SLC16A7: variants seen among roughly 807,000 people sequenced by gnomAD.
SLC16A7 encodes the protein solute carrier family 16 member 7.
A neutral mutation model predicts 34.9 loss-of-function variants in SLC16A7; 33 were observed. That is an observed-to-expected ratio of 0.94 (90% CI 0.72 to 1.26). The LOEUF (loss-of-function observed/expected upper bound fraction) is 1.26. Ranked by LOEUF, SLC16A7 falls within the 50% of genes most tolerant of loss-of-function variation. SLC16A7 has a pLI of 0.00. For missense variants in SLC16A7, 573 were observed against 578.1 expected, an observed-to-expected ratio of 0.99 and a Z score of 0.09; for synonymous variants, 201 against 206.6, an observed-to-expected ratio of 0.97 and a Z score of 0.23.
At chr12:59,748,085 C>A (rs764485603) in intron 3 of SLC16A7, among the ~76,000 whole-genome samples, 20 of 152,040 alleles carry the variant, frequency 1.3e-4, no homozygotes, top group Admixed American at 2.0e-4. Context: ...TGCCTGTAAT[C>A]CCAGCTACTC....
intron 1 of SLC16A7, among the ~76,000 whole-genome samples, chr12:59,636,782 A>C (rs964281463): frequency 6.6e-6 from 1 of 152,172 alleles, no homozygotes; most frequent in African/African-American, 2.4e-5. Context: ...AGAAATTCCA[A>C]TGTTATACTA....
intron 3 of SLC16A7, among the ~76,000 whole-genome samples, chr12:59,748,138 T>A (rs1267305663): frequency 6.6e-6 from 1 of 152,068 alleles, no homozygotes; most frequent in Non-Finnish European, 1.5e-5. Flanking sequence ...ATCGAGGGAT[T>A]GGTAGAAGTG....
intron 2 of SLC16A7, among the ~76,000 whole-genome samples, chr12:59,663,969 T>G (rs1288787881): frequency 6.6e-6 from 1 of 152,060 alleles, no homozygotes; most frequent in Admixed American, 6.6e-5. Context: ...TAATTGTATC[T>G]TTCACATAGG....
In SLC16A7 at chr12:59,665,440, GA is replaced by G. The variant is rs552928977; in HGVS notation, c.-31+10198del. Among the ~76,000 whole-genome samples, 30 of 150,596 alleles carry G rather than the reference GA, an allele frequency of 2.0e-4. No homozygotes were observed. The East Asian group carries it at 4.1e-3, about 20-fold the overall frequency. ...TGTAACTATGTATGTGTACTTTGTT[GA>G]AAAAAAATAGTAAAAATTAATAGAT... On this transcript the variant is annotated intron_variant, in intron 2 of 5. Transcript: ENST00000547379.
intron 1 of SLC16A7, among the ~76,000 whole-genome samples, chr12:59,634,823 A>G (rs911180418): frequency 6.6e-6 from 1 of 152,072 alleles, no homozygotes; most frequent in Admixed American, 6.6e-5. Context: ...AGTGGGTGAT[A>G]GGAAAGAGGG....
At chr12:59,768,580 T>A (rs748661839) in intron 3 of SLC16A7, among the ~76,000 whole-genome samples, 1 of 152,162 alleles carries the variant, frequency 6.6e-6, no homozygotes, top group Non-Finnish European at 1.5e-5. Flanking sequence ...TTGAGAGAAT[T>A]GACTCCAGTT....
chr12:59,627,272 A>T (rs908594385), intron 1 of SLC16A7, among the ~76,000 whole-genome samples: 3 of 151,784 alleles, frequency 2.0e-5, no homozygotes, highest in Non-Finnish European at 4.4e-5. Flanking sequence ...AAATCCATTA[A>T]TTTTTTTGCA....
In SLC16A7 at chr12:59,789,366, TTTTA is replaced by T. The variant is rs1266617315; in HGVS notation, c.*9691_*9694del. 6.6e-6 allele frequency: 1 copy of T among 152,168 alleles called. No homozygotes were observed. The highest frequency in any genetic ancestry group is 1.5e-5 in the Non-Finnish European group (1 of 68,006). 9.4% of individuals were successfully genotyped at this position (152,168 alleles called of 1,614,324 possible). On this transcript the variant is annotated 3_prime_UTR_variant, in exon 6 of 6. Transcript: ENST00000547379. ...AAATTGAAACTCTGTTTTGAATCCT[TTTTA>T]TTTTGTCAAACATTCTATGCAAATA...
intron 2 of SLC16A7, among the ~76,000 whole-genome samples, chr12:59,674,958 G>A (rs370532649): frequency 6.6e-6 from 1 of 152,154 alleles, no homozygotes; most frequent in South Asian, 2.1e-4. Flanking sequence ...TCAGTTACAG[G>A]TGTCTCATAA....
chr12:59,656,348 A>G (rs1868533471), intron 2 of SLC16A7, among the ~76,000 whole-genome samples: 1 of 152,004 alleles, frequency 6.6e-6, no homozygotes, highest in South Asian at 2.1e-4. Context: ...ATCCTTGATT[A>G]TGTGCATGGG....
rs148114133 is a variant in SLC16A7, at chr12:59,771,258, G to A, written c.257G>A (p.Arg86Gln). 2.7e-4 allele frequency: 436 copies of A among 1,613,166 alleles called. No homozygotes were observed. Among genetic ancestry groups the A allele is most frequent in the Non-Finnish European group, 3.5e-4 (414 of 1,179,532 alleles). ...GTTTTGGTGAATAAATACGGCAGCC[G>A]GCCGGTGGTGATAGCAGGAGGCTTA... ...SSVLVNKYGS[R>Q]PVVIAGGLLC... Residue 86 changes from arginine to glutamine, a missense_variant, in exon 4 of 6, where the codon CGG (arginine) becomes CAG (glutamine). By Grantham distance (43) the Arg-to-Gln change is conservative. Transcript: ENST00000547379.
intron 2 of SLC16A7, among the ~76,000 whole-genome samples, chr12:59,674,843 C>T (rs1287103760): frequency 6.6e-6 from 1 of 152,206 alleles, no homozygotes; most frequent in Non-Finnish European, 1.5e-5. Flanking sequence ...AAGGCTGTTA[C>T]TCACATGATA....
At chr12:59,734,372 T>G (rs1398390931) in intron 3 of SLC16A7, among the ~76,000 whole-genome samples, 3 of 152,210 alleles carry the variant, frequency 2.0e-5, no homozygotes, top group Admixed American at 2.0e-4. Context: ...AACTTTAACC[T>G]TAAATCTGGG....
At chr12:59,738,787 C>T (rs1877910189) in intron 3 of SLC16A7, among the ~76,000 whole-genome samples, 2 of 151,600 alleles carry the variant, frequency 1.3e-5, no homozygotes, top group South Asian at 2.1e-4. Context: ...CTTGAGGATA[C>T]TGATCCTTAT....
intron 2 of SLC16A7, among the ~76,000 whole-genome samples, chr12:59,669,786 T>A (rs1053665167): frequency 6.6e-6 from 1 of 152,118 alleles, no homozygotes; most frequent in Non-Finnish European, 1.5e-5. Context: ...GCAGCACAGT[T>A]AACTTGCTTT....
chr12:59,638,897 C>T (rs1461651702), intron 1 of SLC16A7, among the ~76,000 whole-genome samples: 2 of 152,102 alleles, frequency 1.3e-5, no homozygotes, highest in Non-Finnish European at 2.9e-5. Flanking sequence ...AATTTAATAG[C>T]TTACAATCCT....
In SLC16A7 at chr12:59,782,097, A is replaced by G. The variant is rs2137495255; in HGVS notation, c.*2418A>G. On this transcript the variant is annotated 3_prime_UTR_variant, in exon 6 of 6. Coordinates refer to ENST00000547379, the MANE Select transcript of SLC16A7 (RefSeq NM_001270623.2). ...TCTAACACTGTATTAAATTGTTAGAAAAGAAAGTAAAACTTGCACATTCAA... is the reference window on the plus strand; with the variant it reads ...TCTAACACTGTATTAAATTGTTAGAGAAGAAAGTAAAACTTGCACATTCAA... 6.6e-6 allele frequency: 1 copy of G among 152,306 alleles called. No homozygotes were observed. Among genetic ancestry groups the G allele is most frequent in the East Asian group, 1.9e-4 (1 of 5,180 alleles). The allele number at this position is 152,306 out of a possible 1,614,324, so 9.4% of individuals were successfully genotyped here.
chr12:59,651,549 C>T (rs1415402554), intron 1 of SLC16A7, among the ~76,000 whole-genome samples: 3 of 152,138 alleles, frequency 2.0e-5, no homozygotes, highest in Non-Finnish European at 4.4e-5. Flanking sequence ...TAGAATCTGT[C>T]TCCAGTGACT....
intron 2 of SLC16A7, among the ~76,000 whole-genome samples, chr12:59,697,650 A>C (rs1872463693): frequency 6.6e-6 from 1 of 151,608 alleles, no homozygotes; most frequent in South Asian, 2.1e-4. Context: ...CGTCTCAGGC[A>C]CTTATACTAT....
Sources: gnomAD v4.1 joint callset for allele counts (sites outside exome capture counted in the v4.1 genomes callset) on GRCh38, gnomAD v4.1.1 for gene constraint, MANE v1.5 for transcripts, NCBI Gene and HGNC (gene_info 2026-07-23, HGNC 2026-07-21) for gene names.